The following ZNF385D variants were observed in gnomAD, a reference collection of about 807,000 sequenced individuals.
ZNF385D encodes the protein zinc finger protein 659.
In ZNF385D, 15 loss-of-function variants were observed where a neutral mutation model predicts 35.8. The ratio of observed to expected loss-of-function variants is 0.42; its 90% CI spans 0.28 to 0.64. The LOEUF is 0.64. Among genes scored for constraint, ZNF385D ranks in the 30% least tolerant of loss-of-function variants. ZNF385D has a pLI of 0.23. For synonymous variants in ZNF385D, 212 were observed against 186.8 expected (o/e 1.13, Z -1.10); for missense variants, 474 against 494.6 (o/e 0.96, Z 0.39).
intron 2 of ZNF385D, among the ~76,000 whole-genome samples, chr3:22,174,830 T>G (rs1576446420): frequency 6.6e-6 from 1 of 152,146 alleles, no homozygotes; most frequent in Non-Finnish European, 1.5e-5. Context: ...TTTATATTCT[T>G]AAGTTTTAGT....
chr3:21,993,990 T>C lies in ZNF385D; in HGVS notation c.325+174827A>G, dbSNP rs1476844621. Among the ~76,000 whole-genome samples the C allele has an allele frequency of 4.6e-5, 7 of 152,196 alleles. No individual in the cohort carries two copies. The East Asian group carries it at 1.3e-3, about 29-fold the overall frequency. On this transcript the variant is annotated intron_variant, in intron 3 of 5. Coordinates refer to the ZNF385D transcript ENST00000494108. ...CTGCTAAGCTGCTCTGCCTCACCAG[T>C]ACCTAATCTGGAGTTGGTTTCTCCT...
intron 3 of ZNF385D, among the ~76,000 whole-genome samples, chr3:22,077,927 T>C (rs972803118): frequency 2.6e-5 from 4 of 152,176 alleles, no homozygotes; most frequent in Middle Eastern, 3.4e-3. Flanking sequence ...ACCTGAAACC[T>C]GACTGTGGAG....
intron 3 of ZNF385D, among the ~76,000 whole-genome samples, chr3:21,795,223 A>G (rs2072096474): frequency 6.6e-6 from 1 of 152,198 alleles, no homozygotes; most frequent in Non-Finnish European, 1.5e-5. Context: ...AAGCCATCTA[A>G]GTCTTTTTCA....
At chr3:21,975,902 C>G (rs145153391) in intron 3 of ZNF385D, among the ~76,000 whole-genome samples, 1 of 151,884 alleles carries the variant, frequency 6.6e-6, no homozygotes, top group Admixed American at 6.6e-5. Flanking sequence ...AAGATGCAAA[C>G]GAGCCAAGCA....
intron 3 of ZNF385D, among the ~76,000 whole-genome samples, chr3:22,023,392 C>G (rs1340086377): frequency 6.6e-6 from 1 of 152,098 alleles, no homozygotes. Flanking sequence ...ATGCACATAT[C>G]ATGTTTATAT....
chr3:22,023,006 A>G (rs546438705), intron 3 of ZNF385D, among the ~76,000 whole-genome samples: 1 of 152,172 alleles, frequency 6.6e-6, no homozygotes, highest in African/African-American at 2.4e-5. Context: ...AACACAAAAT[A>G]AAAGTACACA....
At chr3:21,498,014 A>C (rs967814751) in intron 4 of ZNF385D, among the ~76,000 whole-genome samples, 2 of 152,150 alleles carry the variant, frequency 1.3e-5, no homozygotes, top group East Asian at 1.9e-4. Context: ...TGGTACAAAA[A>C]CAGGCACATA....
chr3:21,470,043 T>C (rs908826685), intron 4 of ZNF385D, among the ~76,000 whole-genome samples: 1 of 152,252 alleles, frequency 6.6e-6, no homozygotes, highest in Admixed American at 6.5e-5. Flanking sequence ...GCTACTTTTC[T>C]CTAAGCACTT....
chr3:22,017,609 A>C (rs1696972388), intron 3 of ZNF385D, among the ~76,000 whole-genome samples: 1 of 149,170 alleles, frequency 6.7e-6, no homozygotes, highest in South Asian at 2.1e-4. Context: ...TTTATTATCC[A>C]TTTTTTCCTT....
intron 2 of ZNF385D, among the ~76,000 whole-genome samples, chr3:21,662,438 C>A (rs2066267598): frequency 6.6e-6 from 1 of 152,164 alleles, no homozygotes; most frequent in African/African-American, 2.4e-5. Context: ...ATGAAATGGG[C>A]TCTCTTGAAT....
intron 1 of ZNF385D, among the ~76,000 whole-genome samples, chr3:21,688,007 A>G (rs1238520148): frequency 1.3e-5 from 2 of 152,020 alleles, no homozygotes; most frequent in African/African-American, 4.8e-5. Context: ...GGATCCTGCT[A>G]CCTTAGCCTC....
chr3:21,455,552 G>A (rs1157970065), intron 4 of ZNF385D, among the ~76,000 whole-genome samples: 1 of 152,164 alleles, frequency 6.6e-6, no homozygotes, highest in Non-Finnish European at 1.5e-5. Context: ...GCTGAAACTG[G>A]ATCCCTTCCT....
chr3:22,026,633 G>C lies in ZNF385D; in HGVS notation c.325+142184C>G, dbSNP rs568382048. On this transcript the variant is annotated intron_variant, in intron 3 of 5. Coordinates refer to the ZNF385D transcript ENST00000494108. The stretch of plus-strand genomic sequence containing the variant: ...AATGCCAGAATGCGTAATTGGCATA[G>C]ACATATTTAGCAGCTGGCAGAGTCC... Among the ~76,000 whole-genome samples the C allele has an allele frequency of 3.5e-4, 54 of 152,344 alleles. No homozygotes were observed. In the South Asian group the frequency reaches 5.6e-3, roughly 16 times the overall value.
At chr3:22,098,458 G>A (rs1432858315) in intron 3 of ZNF385D, among the ~76,000 whole-genome samples, 1 of 152,032 alleles carries the variant, frequency 6.6e-6, no homozygotes, top group Non-Finnish European at 1.5e-5. Context: ...TTCATTGGAA[G>A]AAAACACATT....
intron 3 of ZNF385D, among the ~76,000 whole-genome samples, chr3:21,932,761 A>T (rs533569119): frequency 1.3e-5 from 2 of 152,224 alleles, no homozygotes; most frequent in South Asian, 2.1e-4. Flanking sequence ...ACCACTTCTG[A>T]TCATATTTGT....
intron 2 of ZNF385D, among the ~76,000 whole-genome samples, chr3:21,629,611 A>G (rs1187338595): frequency 6.6e-6 from 1 of 152,122 alleles, no homozygotes; most frequent in African/African-American, 2.4e-5. Flanking sequence ...TTTTAACCCA[A>G]TCAGCATTTC....
chr3:21,873,637 T>TTCTG (rs1697810313), intron 3 of ZNF385D, among the ~76,000 whole-genome samples: 1 of 152,054 alleles, frequency 6.6e-6, no homozygotes, highest in African/African-American at 2.4e-5. Context: ...AACTTCCCAT[T>TTCTG]TCTGCCTCCG....
chr3:22,179,224 A>G (rs1461944944), intron 2 of ZNF385D, among the ~76,000 whole-genome samples: 1 of 152,154 alleles, frequency 6.6e-6, no homozygotes, highest in Non-Finnish European at 1.5e-5. Flanking sequence ...TGAGCATGGA[A>G]TGGTCTTCCA....
At chr3:21,590,295 T>A (rs544223423) in intron 2 of ZNF385D, among the ~76,000 whole-genome samples, 1 of 152,310 alleles carries the variant, frequency 6.6e-6, no homozygotes, top group South Asian at 2.1e-4. Context: ...TAAAACTTTT[T>A]TTATTGTGAT....
Sources: gnomAD v4.1 joint callset for allele counts (sites outside exome capture counted in the v4.1 genomes callset) on GRCh38, gnomAD v4.1.1 for gene constraint, MANE v1.5 for transcripts, NCBI Gene and HGNC (gene_info 2026-07-23, HGNC 2026-07-21) for gene names.